The following FOXP1 variants were observed in gnomAD, a reference collection of about 807,000 sequenced individuals.
The protein encoded by FOXP1 is forkhead box protein P1.
A neutral mutation model predicts 98.2 loss-of-function variants in FOXP1; 15 were observed. That is an observed-to-expected ratio of 0.15 (90% CI 0.10 to 0.24). The LOEUF is 0.24. FOXP1 is among the 10% of genes least tolerant of loss of function. FOXP1 has a pLI of 1.00. For missense variants in FOXP1, 633 were observed against 848.5 expected, an observed-to-expected ratio of 0.75 and a Z score of 3.15; for synonymous variants, 371 against 314.5, an observed-to-expected ratio of 1.18 and a Z score of -1.90.
chr3:71,252,826 G>A (rs183027973), intron 5 of FOXP1, among the ~76,000 whole-genome samples: 2 of 152,322 alleles, frequency 1.3e-5, no homozygotes, highest in East Asian at 3.9e-4. Flanking sequence ...AATGCCAACC[G>A]AGTGATAAAC....
chr3:71,420,414 C>A (rs2108323552), intron 3 of FOXP1, among the ~76,000 whole-genome samples: 1 of 152,134 alleles, frequency 6.6e-6, no homozygotes, highest in East Asian at 1.9e-4. Context: ...GCTACAGGGG[C>A]CACTTCACCT....
intron 11 of FOXP1, among the ~76,000 whole-genome samples, chr3:71,022,192 T>C (rs2045541100): frequency 6.6e-6 from 1 of 152,210 alleles, no homozygotes; most frequent in East Asian, 1.9e-4. Context: ...CACCATTTGA[T>C]AAAAACACTA....
intron 3 of FOXP1, among the ~76,000 whole-genome samples, chr3:71,437,846 AG>A (rs935868725): frequency 6.6e-6 from 1 of 152,214 alleles, no homozygotes; most frequent in African/African-American, 2.4e-5. Context: ...CTGCCTCAAG[AG>A]GACAGGGCCC....
At chr3:71,141,005 A>T (rs1404546080) in intron 6 of FOXP1, among the ~76,000 whole-genome samples, 1 of 151,888 alleles carries the variant, frequency 6.6e-6, no homozygotes, top group Non-Finnish European at 1.5e-5. Context: ...GTGGTGGTTC[A>T]TGCCTGTAAT....
intron 3 of FOXP1, among the ~76,000 whole-genome samples, chr3:71,398,952 A>C (rs529538899): frequency 1.5e-4 from 23 of 152,240 alleles, no homozygotes; most frequent in Non-Finnish European, 2.8e-4. Flanking sequence ...AGCAGGCAGT[A>C]ATGGCACACC....
intron 3 of FOXP1, among the ~76,000 whole-genome samples, chr3:71,436,185 A>G (rs1388646080): frequency 6.6e-6 from 1 of 151,980 alleles, no homozygotes; most frequent in East Asian, 1.9e-4. Flanking sequence ...CAGGTCATCA[A>G]AAGGCATTGT....
At chr3:71,466,831 C>G (rs538976680) in intron 3 of FOXP1, among the ~76,000 whole-genome samples, 3 of 152,180 alleles carry the variant, frequency 2.0e-5, no homozygotes, top group African/African-American at 7.2e-5. Flanking sequence ...ACATGAGAGA[C>G]GCAGGTACAA....
At chr3:71,322,584 G>A (rs778085429) in intron 4 of FOXP1, among the ~76,000 whole-genome samples, 4 of 152,296 alleles carry the variant, frequency 2.6e-5, no homozygotes, top group African/African-American at 4.8e-5. Flanking sequence ...ACAGGAGCCA[G>A]GTGGAGCGAG....
At chr3:71,440,034 C>T (rs1316831783) in intron 3 of FOXP1, among the ~76,000 whole-genome samples, 2 of 151,678 alleles carry the variant, frequency 1.3e-5, no homozygotes, top group Non-Finnish European at 2.9e-5. Flanking sequence ...TGAAATAAGC[C>T]AGTCACAAAA....
chr3:71,454,886 C>A (rs544927159), intron 3 of FOXP1, among the ~76,000 whole-genome samples: 5 of 152,206 alleles, frequency 3.3e-5, no homozygotes, highest in African/African-American at 1.2e-4. Context: ...AGTCCTAGGG[C>A]CCACACCAGT....
chr3:71,026,401 G>C (rs1312194357), intron 11 of FOXP1, among the ~76,000 whole-genome samples: 2 of 152,122 alleles, frequency 1.3e-5, no homozygotes. Flanking sequence ...GGTTAACTTC[G>C]CAGGTTGACA....
intron 4 of FOXP1, among the ~76,000 whole-genome samples, chr3:71,328,706 C>T (rs2076075960): frequency 6.6e-6 from 1 of 152,302 alleles, no homozygotes; most frequent in South Asian, 2.1e-4. Flanking sequence ...GGCGCAGTGG[C>T]TCATGCCTGT....
intron 6 of FOXP1, among the ~76,000 whole-genome samples, chr3:71,153,916 C>T (rs2108083697): frequency 6.6e-6 from 1 of 152,172 alleles, no homozygotes; most frequent in East Asian, 1.9e-4. Flanking sequence ...TATTGGGCCC[C>T]TACTATACAC....
At chr3:70,991,762 T>C (rs1038338670) in intron 13 of FOXP1, among the ~76,000 whole-genome samples, 1 of 152,180 alleles carries the variant, frequency 6.6e-6, no homozygotes, top group Non-Finnish European at 1.5e-5. Flanking sequence ...TGTTTTATAA[T>C]TGGGGAAACT....
chr3:71,147,015 G>A (rs2060343885), intron 6 of FOXP1, among the ~76,000 whole-genome samples: 1 of 152,202 alleles, frequency 6.6e-6, no homozygotes, highest in African/African-American at 2.4e-5. Flanking sequence ...AGCCCCTCGT[G>A]CTCCAAGTTC....
intron 7 of FOXP1, among the ~76,000 whole-genome samples, chr3:71,080,396 C>T (rs1284289747): frequency 6.6e-6 from 1 of 151,926 alleles, no homozygotes; most frequent in Non-Finnish European, 1.5e-5. Flanking sequence ...ATAAAGATAG[C>T]CAGTTAAAAA....
chr3:70,995,174 G>C (rs1297900538), intron 13 of FOXP1, among the ~76,000 whole-genome samples: 1 of 152,114 alleles, frequency 6.6e-6, no homozygotes, highest in East Asian at 1.9e-4. Context: ...CCACCTAAGA[G>C]GACCCAAGTA....
At chr3:71,477,034 G>T (rs1001483576) in intron 3 of FOXP1, among the ~76,000 whole-genome samples, 1 of 152,126 alleles carries the variant, frequency 6.6e-6, no homozygotes, top group African/African-American at 2.4e-5. Context: ...AGACAAATAA[G>T]AAAAGGTGAG....
intron 4 of FOXP1, among the ~76,000 whole-genome samples, chr3:71,309,359 AAC>A (rs1320315129): frequency 1.3e-5 from 2 of 152,160 alleles, no homozygotes; most frequent in African/African-American, 4.8e-5. Context: ...TATTTTTATG[AAC>A]ACACTGTTGA....
Sources: allele counts gnomAD v4.1 joint callset (sites outside exome capture counted in the v4.1 genomes callset), GRCh38; gene constraint gnomAD v4.1.1; transcripts MANE v1.5; gene names NCBI Gene and HGNC (gene_info 2026-07-23, HGNC 2026-07-21).